TCERG1L: variants seen among roughly 807,000 people sequenced by gnomAD.
TCERG1L encodes the protein transcription elongation regulator 1-like protein.
In TCERG1L, 37 loss-of-function variants were observed where a neutral mutation model predicts 56.3. The observed-to-expected ratio is 0.66, with a 90% confidence interval of 0.51 to 0.87. The LOEUF (loss-of-function observed/expected upper bound fraction) is 0.87. TCERG1L is among the 40% of genes least tolerant of loss of function. The pLI, the probability that TCERG1L is intolerant of heterozygous loss-of-function variation, is 0.00. For missense variants in TCERG1L, 799 were observed against 774.2 expected, an observed-to-expected ratio of 1.03 and a Z score of -0.38; for synonymous variants, 324 against 326.3, an observed-to-expected ratio of 0.99 and a Z score of 0.08.
rs111357908 is a variant in TCERG1L, at chr10:131,201,184, C to T, written c.857-34299G>A. ...ATTCCTGAGAGTCAGGCCCACCACC[C>T]GCATAGCTGGCTTTGCCTCCCTGGA... On this transcript the variant is annotated intron_variant, in intron 4 of 11. Coordinates refer to ENST00000368642, the MANE Select transcript of TCERG1L (RefSeq NM_174937.4). Among the ~76,000 whole-genome samples, 816 of 152,302 alleles carry T rather than the reference C, an allele frequency of 5.4e-3. 5 individuals are homozygous for T. Among genetic ancestry groups the T allele is most frequent in the Middle Eastern group, 0.01 (3 of 294 alleles).
Position 131,260,556 on chromosome 10 carries a change from G to A in TCERG1L, c.671-112C>T, listed in dbSNP as rs562941359. On this transcript the variant is annotated intron_variant, in intron 3 of 11. Coordinates refer to ENST00000368642, the MANE Select transcript of TCERG1L (RefSeq NM_174937.4). This position sits in a 1 kb window ranked among gnomAD's most constrained non-coding sequence, Gnocchi z 5.8. ...CCCCCAGAAAACAGGTGAGGGGGGC[G>A]CTACCCCTCTTTAATGGAGGCCCAC... The A allele has an allele frequency of 1.4e-4, 174 of 1,225,294 alleles. No homozygotes were observed. The African/African-American group carries it at 1.8e-3, about 13-fold the overall frequency. The allele number at this position is 1,225,294 out of a possible 1,614,324, so 75.9% of individuals were successfully genotyped here. A position where few individuals can be genotyped will look rare whatever the true frequency, so the allele number is the denominator to read the frequency against.
chr10:131,216,455 T>C (rs1845669749), intron 4 of TCERG1L, among the ~76,000 whole-genome samples: 1 of 152,152 alleles, frequency 6.6e-6, no homozygotes, highest in Admixed American at 6.5e-5. Context: ...GTTTTAAGAA[T>C]CTTTGCAGAA....
intron 9 of TCERG1L, among the ~76,000 whole-genome samples, chr10:131,106,061 C>T (rs1024837809): frequency 3.3e-5 from 5 of 152,232 alleles, no homozygotes; most frequent in South Asian, 2.1e-4. Flanking sequence ...GTGTTAGAAA[C>T]CAAGATCCAG....
chr10:131,234,453 A>G (rs1224934094), intron 4 of TCERG1L, among the ~76,000 whole-genome samples: 1 of 152,250 alleles, frequency 6.6e-6, no homozygotes, highest in African/African-American at 2.4e-5. Flanking sequence ...AAAAGCTATT[A>G]AAACCTTTTT....
intron 11 of TCERG1L, among the ~76,000 whole-genome samples, chr10:131,097,270 T>C (rs928166978): frequency 7.0e-6 from 1 of 143,820 alleles, no homozygotes; most frequent in African/African-American, 2.6e-5. Context: ...AAAATAAAAA[T>C]ACATTGTTAA....
chr10:131,199,380 A>C (rs779611731), intron 4 of TCERG1L, among the ~76,000 whole-genome samples: 2 of 152,200 alleles, frequency 1.3e-5, no homozygotes, highest in African/African-American at 2.4e-5. Flanking sequence ...AGGTCAAAAG[A>C]AGCATCCTGA....
intron 4 of TCERG1L, among the ~76,000 whole-genome samples, chr10:131,211,284 G>C (rs1357250432): frequency 4.6e-5 from 7 of 152,250 alleles, no homozygotes; most frequent in Non-Finnish European, 1.0e-4. Flanking sequence ...GCCCCCAGCA[G>C]ATGAGGCTAG....
intron 4 of TCERG1L, among the ~76,000 whole-genome samples, chr10:131,188,897 G>A (rs80245358): frequency 0.044 from 6,644 of 152,146 alleles, 165 homozygotes; most frequent in Middle Eastern, 0.065. Flanking sequence ...GTTATTTTAC[G>A]CATTTTCAGG....
chr10:131,184,695 C>G (rs2133455823), intron 4 of TCERG1L, among the ~76,000 whole-genome samples: 1 of 152,286 alleles, frequency 6.6e-6, no homozygotes, highest in Non-Finnish European at 1.5e-5. Context: ...AACGGGAAGC[C>G]CAGGAGCTCC....
chr10:131,163,335 T>C (rs1845997460), intron 5 of TCERG1L, 125 bp from the exon 6 acceptor site: 4 of 729,230 alleles, frequency 5.5e-6, no homozygotes, highest in Admixed American at 3.3e-5. Context: ...CACGAGATAA[T>C]GACCTCAGCA....
Position 131,147,788 on chromosome 10 carries a change from C to T in TCERG1L, c.1035-1128G>A, listed in dbSNP as rs143143290. On this transcript the variant is annotated intron_variant, in intron 6 of 11. Coordinates refer to ENST00000368642, the MANE Select transcript of TCERG1L (RefSeq NM_174937.4). ...GCCCCCGACCTGTTGGGGGTACTGT[C>T]GGGCACGGCCTAGGCCCCCGGTAGC... 4.1e-3 allele frequency among the ~76,000 whole-genome samples: 632 copies of T among 152,376 alleles called. 3 individuals carry two copies. The highest frequency in any genetic ancestry group is 0.014 in the African/African-American group (587 of 41,600).
intron 8 of TCERG1L, among the ~76,000 whole-genome samples, chr10:131,125,007 TTCA>T (rs1478232171): frequency 5.9e-5 from 9 of 152,220 alleles, no homozygotes; most frequent in Non-Finnish European, 1.2e-4. Flanking sequence ...TTCTCCTCAT[TTCA>T]TCACCAGCAC....
At chr10:131,124,075 G>A (rs767056322) in intron 8 of TCERG1L, among the ~76,000 whole-genome samples, 11 of 152,270 alleles carry the variant, frequency 7.2e-5, no homozygotes, top group African/African-American at 1.7e-4. Flanking sequence ...TCACTGTGGC[G>A]TAGACCAAGG....
chr10:131,126,179 G>C (rs1015955102), intron 8 of TCERG1L, among the ~76,000 whole-genome samples: 1 of 152,198 alleles, frequency 6.6e-6, no homozygotes, highest in African/African-American at 2.4e-5. Flanking sequence ...GGCCAGACAG[G>C]CCCTACCGTG....
At chr10:131,252,568 T>C (rs2918087) in intron 4 of TCERG1L, among the ~76,000 whole-genome samples, 32,241 of 151,948 alleles carry the variant, frequency 0.21, 3,633 homozygotes, top group African/African-American at 0.28. Flanking sequence ...ACGCGTCTAT[T>C]TGAGTGTTGG....
At chr10:131,152,573 T>C (rs892261610) in intron 6 of TCERG1L, among the ~76,000 whole-genome samples, 2 of 152,198 alleles carry the variant, frequency 1.3e-5, no homozygotes, top group Non-Finnish European at 2.9e-5. Flanking sequence ...TTTCCACATT[T>C]TGCTATCTTT....
chr10:131,308,126 G>C, intron 3 of TCERG1L, 85 bp downstream of exon 3: 1 of 1,230,050 alleles, frequency 8.1e-7, no homozygotes, highest in East Asian at 2.6e-5. Flanking sequence ...TCATTAAAAT[G>C]ATGAGTATGG....
At chr10:131,300,228 CTATT>C (rs1262496856) in intron 3 of TCERG1L, among the ~76,000 whole-genome samples, 3 of 152,032 alleles carry the variant, frequency 2.0e-5, no homozygotes, top group Non-Finnish European at 4.4e-5. Flanking sequence ...CTTGTTTTTG[CTATT>C]TATTAGTCTT....
chr10:131,107,146 G>A (rs1391712285), intron 9 of TCERG1L, among the ~76,000 whole-genome samples: 3 of 152,166 alleles, frequency 2.0e-5, no homozygotes, highest in East Asian at 1.9e-4. Flanking sequence ...ACCTGCCCCC[G>A]GGAGCATCTG....
Sources: gnomAD v4.1 joint callset for allele counts (sites outside exome capture counted in the v4.1 genomes callset) on GRCh38, gnomAD v4.1.1 for gene constraint, Gnocchi (gnomAD v3.1) non-coding constraint, MANE v1.5 for transcripts, NCBI Gene and HGNC (gene_info 2026-07-23, HGNC 2026-07-21) for gene names.